The following MSH4 variants were observed in gnomAD, a reference collection of about 807,000 sequenced individuals.
MSH4 encodes mutS homolog 4.
A neutral mutation model predicts 113.7 loss-of-function variants in MSH4; 106 were observed. That is an observed-to-expected ratio of 0.93 (90% CI 0.80 to 1.10). MSH4 has a LOEUF of 1.10. Ranked by LOEUF, MSH4 falls within the 50% of genes least tolerant of loss-of-function variation. MSH4 has a pLI of 0.00. For synonymous variants in MSH4, 368 were observed against 380.2 expected, an observed-to-expected ratio of 0.97 and a Z score of 0.37; for missense variants, 1,061 against 1,093.7, an observed-to-expected ratio of 0.97 and a Z score of 0.42.
chr1:75,878,715 G>A lies in MSH4; in HGVS notation c.1541-277G>A, dbSNP rs568469011. Among the ~76,000 whole-genome samples, 61 of 151,926 alleles carry A rather than the reference G, an allele frequency of 4.0e-4. No individual in the cohort carries two copies. The South Asian group carries it at 7.1e-3, about 18-fold the overall frequency. Reference sequence around the variant, plus strand: ...GTATGCCTGTAGTCCCAGCTACTCCGGAGGCTGAGGTAGGAGGATCACTTG... The same window carrying A: ...GTATGCCTGTAGTCCCAGCTACTCCAGAGGCTGAGGTAGGAGGATCACTTG... On this transcript the variant is annotated intron_variant, in intron 11 of 19. Coordinates refer to ENST00000263187, the MANE Select transcript of MSH4 (RefSeq NM_002440.4).
At chr1:75,849,649 G>T (rs1651146114) in intron 8 of MSH4, among the ~76,000 whole-genome samples, 1 of 152,074 alleles carries the variant, frequency 6.6e-6, no homozygotes, top group Non-Finnish European at 1.5e-5. Flanking sequence ...GTATACAAAT[G>T]GGAAGTAACC....
intron 1 of MSH4, 133 bp from the exon 2 acceptor site, chr1:75,803,598 C>A (rs2100502353): frequency 1.6e-6 from 1 of 617,656 alleles, no homozygotes; most frequent in African/African-American, 1.9e-5. Flanking sequence ...GCCTGGGCGA[C>A]AAGAGCAAGA....
chr1:75,812,665 G>C (rs1399937170), intron 4 of MSH4, among the ~76,000 whole-genome samples: 1 of 152,174 alleles, frequency 6.6e-6, no homozygotes, highest in African/African-American at 2.4e-5. Context: ...TTGCACTGCA[G>C]CCTGGGCAAC....
At chr1:75,822,923 G>A (rs1056516790) in intron 7 of MSH4, among the ~76,000 whole-genome samples, 2 of 151,934 alleles carry the variant, frequency 1.3e-5, no homozygotes, top group Non-Finnish European at 2.9e-5. Flanking sequence ...AATTATCAAC[G>A]GATAGGATAT....
intron 6 of MSH4, among the ~76,000 whole-genome samples, chr1:75,817,006 T>A (rs1481929993): frequency 6.6e-6 from 1 of 152,160 alleles, no homozygotes; most frequent in Non-Finnish European, 1.5e-5. Flanking sequence ...GGTCTCAAAC[T>A]CCTGGGCTCA....
intron 8 of MSH4, 118 bp downstream of exon 8, chr1:75,848,394 A>G: frequency 1.3e-6 from 1 of 752,202 alleles, no homozygotes; most frequent in South Asian, 1.8e-5. Context: ...TTCATTATTG[A>G]TATCTGGAGT....
chr1:75,799,384 C>A (rs1160371742), intron 1 of MSH4, among the ~76,000 whole-genome samples: 1 of 152,034 alleles, frequency 6.6e-6, no homozygotes, highest in Non-Finnish European at 1.5e-5. Flanking sequence ...TCTCAATGAA[C>A]TTAAGGTTCA....
Position 75,860,892 on chromosome 1 carries a change from G to A in MSH4, c.1231-6622G>A, listed in dbSNP as rs149822395. On this transcript the variant is annotated intron_variant, in intron 8 of 19. Transcript: ENST00000263187. ...GGGGCCATTCTCCCAGTCACTTTCA[G>A]GTACACCAATCAAATGTAGATTTGG... is the stretch of plus-strand genomic sequence containing the variant. 6.3e-3 allele frequency among the ~76,000 whole-genome samples: 965 copies of A among 152,240 alleles called. 16 individuals are homozygous for A. Among genetic ancestry groups the A allele is most frequent in the Admixed American group, 0.035 (541 of 15,294 alleles).
At chr1:75,897,797 T>C (rs945513464) in intron 17 of MSH4, 110 bp from the exon 18 acceptor site, 1 of 587,258 alleles carries the variant, frequency 1.7e-6, no homozygotes, top group African/African-American at 1.9e-5. Flanking sequence ...CCTACATCTC[T>C]GCCAAGCTAC....
At chr1:75,851,382 C>A (rs1651183952) in intron 8 of MSH4, among the ~76,000 whole-genome samples, 1 of 151,888 alleles carries the variant, frequency 6.6e-6, no homozygotes, top group Admixed American at 6.6e-5. Context: ...TAGACTACAT[C>A]TTTAGCTGAA....
intron 17 of MSH4, 63 bp from the exon 18 acceptor site, chr1:75,897,844 T>C: frequency 9.1e-7 from 1 of 1,093,288 alleles, no homozygotes; most frequent in Non-Finnish European, 1.2e-6. Flanking sequence ...TTCACATAGT[T>C]AAAATAGAAT....
chr1:75,835,792 C>G (rs913073690), intron 7 of MSH4, among the ~76,000 whole-genome samples: 1 of 152,204 alleles, frequency 6.6e-6, no homozygotes, highest in Non-Finnish European at 1.5e-5. Context: ...ATTTCCTATG[C>G]TCACTATCTT....
At chr1:75,825,835 GC>G (rs1476546908) in intron 7 of MSH4, among the ~76,000 whole-genome samples, 3 of 152,116 alleles carry the variant, frequency 2.0e-5, no homozygotes, top group Non-Finnish European at 2.9e-5. Flanking sequence ...TGGTGGATAA[GC>G]TTTTTGATGT....
rs61041599 is a variant in MSH4 at position 75,798,992 on chromosome 1, C to A, written c.244+1763C>A. On this transcript the variant is annotated intron_variant, in intron 1 of 19. Coordinates refer to ENST00000263187, the MANE Select transcript of MSH4 (RefSeq NM_002440.4). ...ATCTGCAGGTAAAAGATCAAACTCT[C>A]TAGAAGGATAGCCAAAGCAATTGGG... Among the ~76,000 whole-genome samples the A allele has an allele frequency of 2.5e-3, 377 of 152,318 alleles. 2 individuals are homozygous for A. Among genetic ancestry groups the A allele is most frequent in the African/African-American group, 8.5e-3 (355 of 41,582 alleles).
intron 7 of MSH4, among the ~76,000 whole-genome samples, chr1:75,833,214 A>T (rs2100532210): frequency 6.6e-6 from 1 of 152,314 alleles, no homozygotes; most frequent in South Asian, 2.1e-4. Context: ...AATACCTAGG[A>T]ATCCAACTTA....
intron 9 of MSH4, among the ~76,000 whole-genome samples, chr1:75,872,102 A>C (rs1651726924): frequency 6.6e-6 from 1 of 152,184 alleles, no homozygotes; most frequent in South Asian, 2.1e-4. Context: ...CAGTTTATTC[A>C]GCATCCTAAA....
intron 2 of MSH4, among the ~76,000 whole-genome samples, chr1:75,804,295 A>ATC: frequency 6.6e-6 from 1 of 152,202 alleles, no homozygotes; most frequent in East Asian, 1.9e-4. Flanking sequence ...GAGTAGATAG[A>ATC]TAAAATAGGT....
chr1:75,903,058 T>A (rs1652545539), intron 19 of MSH4, among the ~76,000 whole-genome samples: 1 of 151,652 alleles, frequency 6.6e-6, no homozygotes, highest in Non-Finnish European at 1.5e-5. Flanking sequence ...AATGTAATTA[T>A]ATAAGTGTAT....
At position 75,816,788 on chromosome 1, in the gene MSH4, A is replaced by G. The variant is rs1650303786; in HGVS notation, c.989+242A>G. On this transcript the variant is annotated intron_variant, in intron 6 of 19. Coordinates refer to ENST00000263187, the MANE Select transcript of MSH4 (RefSeq NM_002440.4). ...ACTACAGGCATGTGCCACCATGCCT[A>G]GCTAATTTTTCTATTTTTAATAGAG... Among the ~76,000 whole-genome samples the G allele has an allele frequency of 2.6e-5, 4 of 152,026 alleles. 1 individual carries two copies. Among genetic ancestry groups the G allele is most frequent in the African/African-American group, 9.7e-5 (4 of 41,370 alleles).
Sources: gnomAD v4.1 joint callset for allele counts (sites outside exome capture counted in the v4.1 genomes callset) on GRCh38, gnomAD v4.1.1 for gene constraint, MANE v1.5 for transcripts, NCBI Gene and HGNC (gene_info 2026-07-23, HGNC 2026-07-21) for gene names.